Variants in KIAA2012 observed in about 807,000 individuals in gnomAD.
KIAA2012 encodes the protein uncharacterized protein KIAA2012.
A neutral mutation model predicts 150.6 loss-of-function variants in KIAA2012; 125 were observed. The observed-to-expected ratio is 0.83, with a 90% CI of 0.72 to 0.96. KIAA2012 has a LOEUF of 0.96. KIAA2012 is among the 40% of genes least tolerant of loss of function. The pLI is 0.00. For synonymous variants in KIAA2012, 462 were observed against 504.7 expected (o/e 0.92, Z 1.13); for missense variants, 1,219 against 1,354.9 (o/e 0.90, Z 1.57).
intron 15 of KIAA2012, among the ~76,000 whole-genome samples, chr2:202,165,687 C>T (rs1188332947): frequency 6.6e-6 from 1 of 152,086 alleles, no homozygotes; most frequent in East Asian, 1.9e-4. Context: ...CACCACTGCA[C>T]TCCAGCCTGG....
chr2:202,169,025 G>A (rs1419404633), intron 15 of KIAA2012, among the ~76,000 whole-genome samples: 1 of 152,196 alleles, frequency 6.6e-6, no homozygotes, highest in African/African-American at 2.4e-5. Context: ...CAAACGAGAT[G>A]GAAGGGTTAT....
intron 11 of KIAA2012, among the ~76,000 whole-genome samples, chr2:202,124,774 A>G (rs760351802): frequency 6.6e-6 from 1 of 152,206 alleles, no homozygotes; most frequent in Non-Finnish European, 1.5e-5. Flanking sequence ...GGATTTTCAA[A>G]AACATCCAAT....
At chr2:202,203,583 T>G (rs568903407) in intron 23 of KIAA2012, among the ~76,000 whole-genome samples, 1 of 152,304 alleles carries the variant, frequency 6.6e-6, no homozygotes, top group East Asian at 1.9e-4. Flanking sequence ...TGGTCATGTG[T>G]GGTTACCGGC....
At chr2:202,128,167 G>A (rs543639632) in intron 12 of KIAA2012, among the ~76,000 whole-genome samples, 1 of 152,154 alleles carries the variant, frequency 6.6e-6, no homozygotes, top group African/African-American at 2.4e-5. Flanking sequence ...CCACCAACAT[G>A]TGCACAATGA....
At chr2:202,199,885 G>A (rs1692481701) in intron 22 of KIAA2012, among the ~76,000 whole-genome samples, 1 of 146,890 alleles carries the variant, frequency 6.8e-6, no homozygotes, top group South Asian at 2.1e-4. Flanking sequence ...CATCAATCAG[G>A]CTTTTGAAAT....
At chr2:202,197,232 G>A in intron 22 of KIAA2012, 1 of 747,718 alleles carries the variant, frequency 1.3e-6, no homozygotes, top group Non-Finnish European at 2.1e-6. Flanking sequence ...CTACAAGGGA[G>A]TTTGGAGATA....
At chr2:202,146,460 G>A (rs1414198821) in intron 13 of KIAA2012, among the ~76,000 whole-genome samples, 1 of 151,950 alleles carries the variant, frequency 6.6e-6, no homozygotes, top group Non-Finnish European at 1.5e-5. Context: ...GTGAAACCCT[G>A]TCTCTACTAA....
chr2:202,179,423 G>A, intron 15 of KIAA2012: 2 of 731,406 alleles, frequency 2.7e-6, no homozygotes, highest in South Asian at 1.3e-5. Flanking sequence ...GGCAAATGGT[G>A]TGGTATTAGC....
At chr2:202,094,707 TG>T (rs1689819870) in intron 4 of KIAA2012, among the ~76,000 whole-genome samples, 1 of 151,972 alleles carries the variant, frequency 6.6e-6, no homozygotes, top group South Asian at 2.1e-4. Context: ...TTTGTAGAGA[TG>T]GGGTTTCATC....
rs1477374941 is a variant in KIAA2012, at chr2:202,093,085, G to A, written c.585G>A (p.Lys195=). ...ACAGTCAACTTAATGTACCAAAGAA[G>A]CTCAGGCCACAACAAGATCTTTCAG... The part of the protein sequence containing the change: ...LQDSQLNVPK[K]LRPQQDLSGV... The change falls in exon 4 of 24, where the codon AAG becomes AAA. Residue 195 remains lysine, a synonymous_variant. Coordinates refer to ENST00000498697, the MANE Select transcript of KIAA2012 (RefSeq NM_001277372.4). The A allele has an allele frequency of 1.9e-6, 3 of 1,550,738 alleles. No individual in the cohort carries two copies. The Admixed American group carries it at 5.9e-5, about 30-fold the overall frequency.
At chr2:202,145,845 C>T (rs543958159) in intron 13 of KIAA2012, among the ~76,000 whole-genome samples, 34 of 151,978 alleles carry the variant, frequency 2.2e-4, no homozygotes, top group East Asian at 1.7e-3. Context: ...TCACCACACC[C>T]GGCTAATTTT....
chr2:202,130,728 C>T (rs747472892), intron 12 of KIAA2012, among the ~76,000 whole-genome samples: 5 of 152,150 alleles, frequency 3.3e-5, no homozygotes, highest in Non-Finnish European at 7.4e-5. Context: ...ACCAGGTTGG[C>T]TAACATGGTG....
chr2:202,132,665 C>T (rs1690960777), intron 12 of KIAA2012, among the ~76,000 whole-genome samples: 1 of 113,904 alleles, frequency 8.8e-6, no homozygotes, highest in Non-Finnish European at 1.8e-5. Context: ...CAGAGCAAGA[C>T]TCCTCACAAA....
intron 15 of KIAA2012, among the ~76,000 whole-genome samples, chr2:202,165,870 T>C (rs964362100): frequency 1.3e-5 from 2 of 152,230 alleles, no homozygotes; most frequent in African/African-American, 4.8e-5. Flanking sequence ...GCTTGTTGTT[T>C]GGGGGATACC....
rs538702274 is a variant in KIAA2012, at chr2:202,081,641, AG to A, written c.369+6468del. ...CAGCTCACCACAACCTCTGCCTCCC[AG>A]GTTCAAGTGATTCTCCTGCCTCAGC... On this transcript the variant is annotated intron_variant, in intron 2 of 23. Coordinates refer to ENST00000498697, the MANE Select transcript of KIAA2012 (RefSeq NM_001277372.4). Among the ~76,000 whole-genome samples, 53 of 146,430 alleles carry A rather than the reference AG, an allele frequency of 3.6e-4. No homozygotes were observed. In the East Asian group the frequency reaches 9.5e-3, roughly 26 times the overall value.
chr2:202,121,463 T>C (rs1036571101), intron 11 of KIAA2012, among the ~76,000 whole-genome samples: 1 of 152,180 alleles, frequency 6.6e-6, no homozygotes, highest in African/African-American at 2.4e-5. Context: ...GAAGGCCCAT[T>C]ACATGTGTGT....
intron 4 of KIAA2012, among the ~76,000 whole-genome samples, chr2:202,096,882 T>C (rs1018640170): frequency 6.6e-6 from 1 of 152,224 alleles, no homozygotes; most frequent in Non-Finnish European, 1.5e-5. Context: ...AGATCCTTCC[T>C]GAGGGTTGCA....
chr2:202,078,237 G>A (rs1689367434), intron 2 of KIAA2012, among the ~76,000 whole-genome samples: 2 of 152,264 alleles, frequency 1.3e-5, no homozygotes, highest in Admixed American at 1.3e-4. Flanking sequence ...CCTGGGTCAA[G>A]CAATGAAGTC....
chr2:202,178,432 C>T (rs1692042167), intron 15 of KIAA2012, among the ~76,000 whole-genome samples: 1 of 151,954 alleles, frequency 6.6e-6, no homozygotes, highest in Non-Finnish European at 1.5e-5. Context: ...AAAAAAAAAT[C>T]ACCCTTCTAT....
Sources: allele counts gnomAD v4.1 joint callset (sites outside exome capture counted in the v4.1 genomes callset), GRCh38; gene constraint gnomAD v4.1.1; transcripts MANE v1.5; gene names NCBI Gene and HGNC (gene_info 2026-07-23, HGNC 2026-07-21).